The following AGBL4 variants were observed in gnomAD, a reference collection of about 807,000 sequenced individuals.
The protein encoded by AGBL4 is AGBL carboxypeptidase 4, also known as cytosolic carboxypeptidase 6.
A neutral mutation model predicts 66.4 loss-of-function variants in AGBL4; 58 were observed. That is an observed-to-expected ratio of 0.87 (90% CI 0.71 to 1.09). AGBL4 has a LOEUF of 1.09. AGBL4 is among the 50% of genes least tolerant of loss of function. The pLI is 0.00. For missense variants in AGBL4, 579 were observed against 631.0 expected (o/e 0.92, Z 0.88); for synonymous variants, 234 against 222.9 (o/e 1.05, Z -0.44).
chr1:49,101,983 C>T (rs186159825), intron 4 of AGBL4, among the ~76,000 whole-genome samples: 1 of 152,080 alleles, frequency 6.6e-6, no homozygotes, highest in Non-Finnish European at 1.5e-5. Context: ...GAAAATATGA[C>T]ACCAGAAAGG....
intron 6 of AGBL4, among the ~76,000 whole-genome samples, chr1:48,780,344 T>C (rs56116179): frequency 3.0e-4 from 45 of 152,130 alleles, no homozygotes; most frequent in Middle Eastern, 3.4e-3. Context: ...GTGAAAATGG[T>C]CATATTGCCC....
intron 3 of AGBL4, among the ~76,000 whole-genome samples, chr1:49,581,028 T>C (rs1644532054): frequency 6.6e-6 from 1 of 152,224 alleles, no homozygotes; most frequent in Non-Finnish European, 1.5e-5. Flanking sequence ...CAGTCACAAA[T>C]GTTTCAAAGG....
chr1:49,700,678 T>A (rs1247587018), intron 2 of AGBL4, among the ~76,000 whole-genome samples: 1 of 152,080 alleles, frequency 6.6e-6, no homozygotes, highest in Non-Finnish European at 1.5e-5. Context: ...CTCATTTAAG[T>A]AATAATATTT....
At chr1:48,552,573 A>G (rs1644264787) in intron 11 of AGBL4, among the ~76,000 whole-genome samples, 1 of 152,146 alleles carries the variant, frequency 6.6e-6, no homozygotes, top group African/African-American at 2.4e-5. Context: ...AGCCCTGTGC[A>G]TTGTAGGGTG....
chr1:49,143,650 C>A (rs1289207818), intron 4 of AGBL4, among the ~76,000 whole-genome samples: 1 of 152,050 alleles, frequency 6.6e-6, no homozygotes, highest in East Asian at 1.9e-4. Context: ...CCCTAGGGTC[C>A]TTTAAGTTTG....
intron 3 of AGBL4, among the ~76,000 whole-genome samples, chr1:49,691,678 G>A (rs1428454034): frequency 6.6e-6 from 1 of 152,180 alleles, no homozygotes; most frequent in African/African-American, 2.4e-5. Flanking sequence ...CTGTGAGGAT[G>A]TTGTCAAAGG....
chr1:48,641,305 T>C (rs988766932), intron 8 of AGBL4, among the ~76,000 whole-genome samples: 2 of 152,188 alleles, frequency 1.3e-5, no homozygotes, highest in Non-Finnish European at 1.5e-5. Flanking sequence ...AGCATGTGGG[T>C]TGGGCTCTGC....
chr1:48,939,511 A>T (rs1460272569), intron 5 of AGBL4, among the ~76,000 whole-genome samples: 3 of 152,212 alleles, frequency 2.0e-5, no homozygotes, highest in African/African-American at 7.2e-5. Context: ...AGCTCAAGAA[A>T]GGGGCCTCCA....
chr1:48,538,372 A>G (rs1007270123), intron 12 of AGBL4, among the ~76,000 whole-genome samples: 2 of 152,134 alleles, frequency 1.3e-5, no homozygotes, highest in African/African-American at 4.8e-5. Context: ...ATTCTACAAA[A>G]CCATATTTAG....
At chr1:49,232,335 C>G (rs771947602) in intron 4 of AGBL4, among the ~76,000 whole-genome samples, 2 of 152,010 alleles carry the variant, frequency 1.3e-5, no homozygotes, top group Non-Finnish European at 2.9e-5. Flanking sequence ...ACCCTAAATT[C>G]AAGGGTCTTT....
At chr1:49,923,164 AAACAAAC>A (rs1178391261) in intron 1 of AGBL4, among the ~76,000 whole-genome samples, 2 of 152,284 alleles carry the variant, frequency 1.3e-5, no homozygotes, top group Non-Finnish European at 2.9e-5. Flanking sequence ...ATAAGACTGC[AAACAAAC>A]AACTATCTGA....
At chr1:49,810,658 T>C (rs1301424765) in intron 2 of AGBL4, among the ~76,000 whole-genome samples, 1 of 152,112 alleles carries the variant, frequency 6.6e-6, no homozygotes, top group Admixed American at 6.6e-5. Flanking sequence ...ACTGGAATAC[T>C]GGGTAAATAT....
At chr1:49,757,251 A>C (rs1222743062) in intron 2 of AGBL4, among the ~76,000 whole-genome samples, 4 of 152,206 alleles carry the variant, frequency 2.6e-5, no homozygotes, top group Non-Finnish European at 5.9e-5. Context: ...CCAGCCATGC[A>C]AAACTGAGAG....
At chr1:49,070,447 G>A (rs1644578864) in intron 4 of AGBL4, among the ~76,000 whole-genome samples, 1 of 151,948 alleles carries the variant, frequency 6.6e-6, no homozygotes, top group African/African-American at 2.4e-5. Flanking sequence ...ATGAAGGGCT[G>A]TTGAATTTTG....
chr1:49,423,302 A>G (rs1006800818), intron 3 of AGBL4, among the ~76,000 whole-genome samples: 2 of 152,216 alleles, frequency 1.3e-5, no homozygotes, highest in African/African-American at 4.8e-5. Context: ...CTCTGTTTCT[A>G]CAATATTTAG....
chr1:49,287,348 C>A lies in AGBL4; in HGVS notation c.283-41484G>T, dbSNP rs1381631531. Reference sequence around the variant, plus strand: ...ACACCAAAAGCAATGGCAACAAAAGCCAAAATTGACAAATGGGATCTAATT... The same window carrying A: ...ACACCAAAAGCAATGGCAACAAAAGACAAAATTGACAAATGGGATCTAATT... On this transcript the variant is annotated intron_variant, in intron 3 of 13. Coordinates refer to ENST00000371839, the MANE Select transcript of AGBL4 (RefSeq NM_032785.4). Among the ~76,000 whole-genome samples, 475 of 146,504 alleles carry A rather than the reference C, an allele frequency of 3.2e-3. 3 individuals carry two copies. Among genetic ancestry groups the A allele is most frequent in the African/African-American group, 9.5e-3 (372 of 39,186 alleles).
intron 4 of AGBL4, 61 bp from the exon 5 acceptor site, chr1:49,045,861 A>G: frequency 7.4e-7 from 1 of 1,357,392 alleles, no homozygotes; most frequent in Non-Finnish European, 1.0e-6. Context: ...TTCAAAAGGT[A>G]ATACATATAA....
At chr1:49,107,618 T>C (rs181131264) in intron 4 of AGBL4, among the ~76,000 whole-genome samples, 7 of 152,008 alleles carry the variant, frequency 4.6e-5, no homozygotes, top group Admixed American at 4.6e-4. Flanking sequence ...AGACTTCATA[T>C]AGTGGATTAA....
At chr1:48,604,636 T>G (rs1455659696) in intron 9 of AGBL4, among the ~76,000 whole-genome samples, 1 of 152,124 alleles carries the variant, frequency 6.6e-6, no homozygotes, top group African/African-American at 2.4e-5. Context: ...ATTCAAACAC[T>G]TACATACACA....
Sources: gnomAD v4.1 joint callset for allele counts (sites outside exome capture counted in the v4.1 genomes callset) on GRCh38, gnomAD v4.1.1 for gene constraint, MANE v1.5 for transcripts, NCBI Gene and HGNC (gene_info 2026-07-23, HGNC 2026-07-21) for gene names.